TMEM132B: variants seen among roughly 807,000 people sequenced by gnomAD.
TMEM132B encodes transmembrane protein 132B.
In TMEM132B, 18 loss-of-function variants were observed where a neutral mutation model predicts 90.8. The ratio of observed to expected loss-of-function variants is 0.20; its 90% CI spans 0.14 to 0.29. The LOEUF is 0.29. Among genes scored for constraint, TMEM132B ranks in the 10% least tolerant of loss-of-function variants. TMEM132B has a pLI of 1.00. For missense variants in TMEM132B, 1,096 were observed against 1,326.8 expected (o/e 0.83, Z 2.70); for synonymous variants, 504 against 523.3 (o/e 0.96, Z 0.50).
chr12:125,282,053 AAAAAAAAG>A lies in TMEM132B; in HGVS notation c.68-67397_68-67390del, dbSNP rs1212610146. ...AAAAAAAAAAAAAAAAAAAAAAAAA[AAAAAAAAG>A]AGAGACTTTTGAAGCTTGGTGAGAG... On this transcript the variant is annotated intron_variant, in intron 1 of 8. Transcript: ENST00000682704. 5.1e-3 allele frequency among the ~76,000 whole-genome samples: 172 copies of A among 33,432 alleles called. 27 individuals carry two copies. Among genetic ancestry groups the A allele is most frequent in the Middle Eastern group, 0.01 (1 of 98 alleles). The allele number at this position is 33,432 out of a possible 152,430, so 21.9% of individuals were successfully genotyped here. A position where few individuals can be genotyped will look rare whatever the true frequency, so the allele number is the denominator to read the frequency against.
At chr12:125,266,203 G>T (rs4765031) in intron 1 of TMEM132B, among the ~76,000 whole-genome samples, 128,795 of 152,216 alleles carry the variant, frequency 0.85, 54,603 homozygotes, top group African/African-American at 0.89. Flanking sequence ...CACTCCAGCC[G>T]GGGTGACAAA....
chr12:125,598,147 C>T (rs922511926), intron 5 of TMEM132B, among the ~76,000 whole-genome samples: 4 of 152,102 alleles, frequency 2.6e-5, no homozygotes, highest in Admixed American at 6.5e-5. Flanking sequence ...CTAGAAATGT[C>T]GATAGCACTG....
chr12:125,643,078 T>C (rs1276837584), intron 5 of TMEM132B, among the ~76,000 whole-genome samples: 1 of 152,164 alleles, frequency 6.6e-6, no homozygotes, highest in Non-Finnish European at 1.5e-5. Context: ...GTTGGGCACG[T>C]GTGTCTGGGG....
chr12:125,245,202 A>C (rs943942836), intron 1 of TMEM132B, among the ~76,000 whole-genome samples: 1 of 152,144 alleles, frequency 6.6e-6, no homozygotes, highest in African/African-American at 2.4e-5. Context: ...TCTTTTCAGA[A>C]TCATTTTATA....
intron 3 of TMEM132B, among the ~76,000 whole-genome samples, chr12:125,508,229 C>T (rs907952246): frequency 9.9e-5 from 15 of 152,088 alleles, no homozygotes; most frequent in African/African-American, 3.4e-4. Context: ...CAAATATCTG[C>T]GGCCTTTACA....
chr12:125,214,077 C>T (rs1873380295), intron 1 of TMEM132B, among the ~76,000 whole-genome samples: 1 of 152,192 alleles, frequency 6.6e-6, no homozygotes. Context: ...AGGAGTGCTT[C>T]TGTGGAGGTC....
chr12:125,199,940 A>T (rs2136055996), intron 1 of TMEM132B, among the ~76,000 whole-genome samples: 1 of 152,294 alleles, frequency 6.6e-6, no homozygotes, highest in South Asian at 2.1e-4. Flanking sequence ...GCTGCAAGAG[A>T]ACCTGAGAAA....
intron 3 of TMEM132B, among the ~76,000 whole-genome samples, chr12:125,503,347 A>C (rs1323178507): frequency 1.3e-5 from 2 of 152,292 alleles, no homozygotes; most frequent in South Asian, 2.1e-4. Context: ...ACAGCCACAC[A>C]GCCTCTCATT....
rs1315646384 is a variant in TMEM132B, at chr12:125,560,729, G to A, written c.1294-23122G>A. Among the ~76,000 whole-genome samples the A allele has an allele frequency of 4.4e-4, 66 of 149,750 alleles. 1 individual carries two copies. Among genetic ancestry groups the A allele is most frequent in the African/African-American group, 1.5e-3 (61 of 40,736 alleles). Reference sequence around the variant, plus strand: ...AGTCCCAGCTACTCGGGAGGCTGAGGCAGGACAATGGCGTGAACCAGGGAA... The same window carrying A: ...AGTCCCAGCTACTCGGGAGGCTGAGACAGGACAATGGCGTGAACCAGGGAA... On this transcript the variant is annotated intron_variant, in intron 4 of 8. Transcript: ENST00000682704.
At chr12:125,638,928 A>G (rs1886557386) in intron 5 of TMEM132B, among the ~76,000 whole-genome samples, 1 of 152,240 alleles carries the variant, frequency 6.6e-6, no homozygotes, top group Non-Finnish European at 1.5e-5. Context: ...CTTTCCCAGG[A>G]TGACATTTAC....
chr12:125,326,666 A>G (rs1876581426), intron 1 of TMEM132B: 1 of 1,607,290 alleles, frequency 6.2e-7, no homozygotes, highest in South Asian at 1.1e-5. Flanking sequence ...TGCTGTCTGC[A>G]CCGGGGGAGG....
chr12:125,461,012 G>A (rs570097580), intron 3 of TMEM132B, among the ~76,000 whole-genome samples: 22 of 152,316 alleles, frequency 1.4e-4, no homozygotes, highest in Admixed American at 3.3e-4. Context: ...TCCCCAGTGG[G>A]ATAATCTGAG....
intron 3 of TMEM132B, among the ~76,000 whole-genome samples, chr12:125,489,862 A>G (rs991078018): frequency 6.6e-5 from 10 of 152,244 alleles, no homozygotes; most frequent in African/African-American, 2.2e-4. Context: ...AGAGGCCTGC[A>G]GTATAATTCT....
Position 125,238,388 on chromosome 12 carries a change from CA to C in TMEM132B, c.67+51529del, listed in dbSNP as rs1259157470. Reference sequence around the variant, plus strand: ...AACCAAAAAAAAAACAAAAAAAAACCAAAAAAACAAAAACGCAGTCTCAGAT... The same window carrying C: ...AACCAAAAAAAAAACAAAAAAAAACCAAAAAACAAAAACGCAGTCTCAGAT... On this transcript the variant is annotated intron_variant, in intron 1 of 8. Coordinates refer to ENST00000682704, the MANE Select transcript of TMEM132B (RefSeq NM_001366854.1). 4.8e-4 allele frequency among the ~76,000 whole-genome samples: 51 copies of C among 105,268 alleles called. 1 individual carries two copies. The highest frequency in any genetic ancestry group is 1.8e-3 in the African/African-American group (47 of 25,506). The allele number at this position is 105,268 out of a possible 152,430, so 69.1% of individuals were successfully genotyped here. A position where few individuals can be genotyped will look rare whatever the true frequency, so the allele number is the denominator to read the frequency against.
At chr12:125,515,520 C>G (rs1883116900) in intron 3 of TMEM132B, among the ~76,000 whole-genome samples, 1 of 151,800 alleles carries the variant, frequency 6.6e-6, no homozygotes, top group South Asian at 2.1e-4. Context: ...CGCTCACACC[C>G]CTTCACACAT....
Position 125,552,941 on chromosome 12 carries a change from AGC to A in TMEM132B, c.1294-30909_1294-30908del, listed in dbSNP as rs2136765454. 2.0e-5 allele frequency among the ~76,000 whole-genome samples: 3 copies of A among 152,380 alleles called. No homozygotes were observed. The South Asian group carries it at 6.2e-4, about 32-fold the overall frequency. On this transcript the variant is annotated intron_variant, in intron 4 of 8. Transcript: ENST00000682704. The stretch of plus-strand genomic sequence containing the variant: ...TTCTGTTCTCATTGAGTGGCCTCCC[AGC>A]CTAAGCATGTCTAAACACACTTAGG...
At chr12:125,206,116 C>T (rs1420025723) in intron 1 of TMEM132B, among the ~76,000 whole-genome samples, 1 of 152,110 alleles carries the variant, frequency 6.6e-6, no homozygotes, top group Non-Finnish European at 1.5e-5. Context: ...GGTCCCATGG[C>T]CTTGCTCCCT....
At chr12:125,339,686 A>T (rs766552566) in intron 1 of TMEM132B, among the ~76,000 whole-genome samples, 5 of 152,182 alleles carry the variant, frequency 3.3e-5, no homozygotes, top group Non-Finnish European at 7.3e-5. Context: ...CCTGAGAGGG[A>T]TGGAGATAGA....
At chr12:125,425,533 T>G (rs1028607552) in intron 3 of TMEM132B, among the ~76,000 whole-genome samples, 3 of 152,222 alleles carry the variant, frequency 2.0e-5, no homozygotes, top group Non-Finnish European at 4.4e-5. Context: ...TAATGACATT[T>G]ATGCACCATT....
Sources: gnomAD v4.1 joint callset for allele counts (sites outside exome capture counted in the v4.1 genomes callset) on GRCh38, gnomAD v4.1.1 for gene constraint, MANE v1.5 for transcripts, NCBI Gene and HGNC (gene_info 2026-07-23, HGNC 2026-07-21) for gene names.